The following PAX6 variants were observed in gnomAD, a reference collection of about 807,000 sequenced individuals.
PAX6 encodes paired box protein Pax-6.
Under a neutral mutation model 60.7 loss-of-function variants are expected in PAX6, and 7 were observed. The ratio of observed to expected loss-of-function variants is 0.12; its 90% CI spans 0.07 to 0.22. The LOEUF is 0.22. Ranked by LOEUF, PAX6 falls within the 10% of genes least tolerant of loss-of-function variation. The pLI is 1.00. For synonymous variants in PAX6, 208 were observed against 201.2 expected (o/e 1.03, Z -0.29); for missense variants, 355 against 555.2 (o/e 0.64, Z 3.62).
At chr11:31,807,883 C>G (rs576052729) in intron 2 of PAX6, 1 of 151,006 alleles carries the variant, frequency 6.6e-6, no homozygotes, top group South Asian at 2.1e-4. Flanking sequence ...TGCTCCCGTA[C>G]GAACACCTCC....
chr11:31,807,923 G>A (rs866018008), intron 2 of PAX6: 9 of 150,718 alleles, frequency 6.0e-5, no homozygotes, highest in Middle Eastern at 6.4e-3. Flanking sequence ...AAAAAAAAAA[G>A]TCTTTTGGGT....
At chr11:31,813,911 TG>T (rs1198618761), upstream of PAX6, among the ~76,000 whole-genome samples, 1 of 152,034 alleles carries the variant, frequency 6.6e-6, no homozygotes, top group African/African-American at 2.4e-5. Context: ...GTACCGGCTC[TG>T]GGGGCGAAGC....
intron 4 of PAX6, chr11:31,805,121 C>G (rs888311260): frequency 6.6e-6 from 1 of 152,446 alleles, no homozygotes; most frequent in South Asian, 2.1e-4. Flanking sequence ...CACCCGGGAA[C>G]GAGCGGCACA....
chr11:31,815,285 C>T (rs966593789), upstream of PAX6, among the ~76,000 whole-genome samples: 30 of 152,182 alleles, frequency 2.0e-4, no homozygotes, highest in Non-Finnish European at 4.1e-4. Flanking sequence ...ATTTCATCAC[C>T]CTGTGACGAT....
chr11:31,811,561 G>A (rs893296240), upstream of PAX6: 1 of 224,338 alleles, frequency 4.5e-6, no homozygotes, highest in Admixed American at 5.8e-5. Flanking sequence ...GCCGAGATTC[G>A]GCGCGGCCCG....
chr11:31,811,027 A>G lies in PAX6; in HGVS notation c.-316-12T>C, dbSNP rs1336017670. The G allele has an allele frequency of 2.5e-5, 10 of 399,132 alleles. No individual in the cohort carries two copies. Among genetic ancestry groups the G allele is most frequent in the African/African-American group, 2.1e-4 (10 of 48,612 alleles). The allele number at this position is 399,132 out of a possible 1,614,324, so 24.7% of individuals were successfully genotyped here. A position where few individuals can be genotyped will look rare whatever the true frequency, so the allele number is the denominator to read the frequency against. On this transcript the variant is annotated splice_polypyrimidine_tract_variant and intron_variant, in intron 1 of 13. Coordinates refer to ENST00000640368, the MANE Select transcript of PAX6 (RefSeq NM_001368894.2). ...CAATTCTCAGATTCCTGGGAAGGAG[A>G]CAGAGATTGACAATAAAATGGGCTG... is the stretch of plus-strand genomic sequence containing the variant.
intron 1 of PAX6, chr11:31,817,740 A>G (rs889816345): frequency 6.6e-6 from 1 of 152,226 alleles, no homozygotes; most frequent in Non-Finnish European, 1.5e-5. Flanking sequence ...ATTTGGGGAC[A>G]GCAGTCGCTG....
At chr11:31,802,987 A>G in intron 4 of PAX6, 153 bp from the exon 5 acceptor site, 2 of 800,324 alleles carry the variant, frequency 2.5e-6, no homozygotes, top group Non-Finnish European at 4.1e-6. Flanking sequence ...GGAGGAGGAG[A>G]CAACCACAAT....
chr11:31,802,509 T>G, intron 5 of PAX6, 195 bp downstream of exon 5: 1 of 563,102 alleles, frequency 1.8e-6, no homozygotes, highest in South Asian at 2.3e-5. Flanking sequence ...TGACCCAGGT[T>G]GAAAGAGATA....
Position 31,800,827 on chromosome 11 carries a change from G to C in PAX6, c.429C>G (p.Asn143Lys). The change falls in exon 8 of 14, where the codon AAC (asparagine) becomes AAG (lysine). Residue 143 changes from asparagine to lysine, a missense_variant. Asn to Lys is a moderately conservative substitution (Grantham distance 94, BLOSUM62 0). Transcript: ENST00000640368. ...CCATCTGTTGCTTTTCGCTAGCCAG[G>C]TTGCGAAGAACTCTGTTTATTGATG... ...SVSSINRVLR[N>K]LASEKQQMGA... is the part of the protein sequence containing the mutation. The C allele has an allele frequency of 1.9e-6, 3 of 1,614,134 alleles. No individual in the cohort carries two copies. The South Asian group carries it at 3.3e-5, about 18-fold the overall frequency.
upstream of PAX6, chr11:31,813,011 C>T (rs1374337827): frequency 3.3e-5 from 5 of 152,162 alleles, no homozygotes; most frequent in Non-Finnish European, 7.3e-5. Context: ...CCAAGGAGCC[C>T]GGGCAGGGCT....
At chr11:31,799,998 GA>G (rs886153740) in intron 8 of PAX6, among the ~76,000 whole-genome samples, 4 of 110,430 alleles carry the variant, frequency 3.6e-5, no homozygotes, top group Admixed American at 1.4e-4. Flanking sequence ...CCTTCTCACA[GA>G]ACCTGGGGTG....
intron 2 of PAX6, chr11:31,807,462 A>G (rs865853039): frequency 1.3e-5 from 2 of 152,216 alleles, no homozygotes; most frequent in Middle Eastern, 3.4e-3. Context: ...TCCTCTCCCT[A>G]CACCAAAAAA....
chr11:31,798,048 T>C (rs895553190), intron 8 of PAX6, among the ~76,000 whole-genome samples: 2 of 151,988 alleles, frequency 1.3e-5, no homozygotes, highest in African/African-American at 4.8e-5. Context: ...TTCCTTAGTT[T>C]CTTAGTGTCT....
intron 13 of PAX6, 71 bp from the exon 14 acceptor site, chr11:31,790,090 AGG>A: frequency 4.0e-6 from 1 of 252,798 alleles, no homozygotes; most frequent in East Asian, 9.9e-5. Context: ...ACAAATTTAT[AGG>A]TTTACAAAAA....
At chr11:31,805,734 G>C (rs901283308) in intron 4 of PAX6, 1 of 152,802 alleles carries the variant, frequency 6.5e-6, no homozygotes, top group Non-Finnish European at 1.5e-5. Context: ...TCTGGGCCTG[G>C]GACTATCAGG....
chr11:31,802,145 G>A (rs1045746608), intron 5 of PAX6: 2 of 549,302 alleles, frequency 3.6e-6, no homozygotes, highest in Non-Finnish European at 6.4e-6. Flanking sequence ...CTTGCTTAAA[G>A]TGGCGTTATG....
intron 12 of PAX6, chr11:31,791,193 AC>A (rs1334869510): frequency 2.5e-6 from 1 of 406,118 alleles, no homozygotes; most frequent in African/African-American, 2.1e-5. Context: ...TAGCATGAGG[AC>A]CTTCATCAAA....
At chr11:31,816,352 G>A (rs779693915) in intron 1 of PAX6, 8 of 560,798 alleles carry the variant, frequency 1.4e-5, no homozygotes, top group Non-Finnish European at 2.2e-5. Flanking sequence ...GGCGCCCTCC[G>A]ATCACGAAGG....
Sources: allele counts gnomAD v4.1 joint callset (sites outside exome capture counted in the v4.1 genomes callset), GRCh38; gene constraint gnomAD v4.1.1; transcripts MANE v1.5; gene names NCBI Gene and HGNC (gene_info 2026-07-23, HGNC 2026-07-21).